Variants in SLX4 observed in about 807,000 individuals in gnomAD.
SLX4 encodes the protein structure-specific endonuclease subunit SLX4.
Under a neutral mutation model 146.2 loss-of-function variants are expected in SLX4, and 112 were observed. The observed-to-expected ratio is 0.77, with a 90% CI of 0.66 to 0.90. The LOEUF (loss-of-function observed/expected upper bound fraction) is 0.90, where lower values mean the gene tolerates loss of function less well. Ranked by LOEUF, SLX4 falls within the 40% of genes least tolerant of loss-of-function variation. The pLI is 0.00. For missense variants in SLX4, 2,563 were observed against 2,392.7 expected (o/e 1.07, Z -1.49); for synonymous variants, 1,061 against 997.7 (o/e 1.06, Z -1.20).
chr16:3,608,171 CTTAAAAA>C (rs2040807704), intron 2 of SLX4, among the ~76,000 whole-genome samples: 1 of 152,076 alleles, frequency 6.6e-6, no homozygotes, highest in Non-Finnish European at 1.5e-5. Context: ...TTTTTTTAAG[CTTAAAAA>C]TTAAAAAATA....
At position 3,590,538 on chromosome 16, in the gene SLX4, G is replaced by C; in HGVS notation, c.3100C>G (p.Arg1034Gly). The change falls in exon 12 of 15, where the codon CGC becomes GGC. Residue 1034 changes from arginine (R) to glycine (G), a missense_variant. By Grantham distance (125) the Arg-to-Gly change is moderately radical. Transcript: ENST00000294008. The surrounding 1 kb of genome is among the most constrained non-coding windows in gnomAD (Gnocchi z 4.8). ...PWQASPPHPC[R>G]FLLGPPQGGS... ...CCCTGGGGAGGCCCCAATAGGAAGC[G>C]GCACGGGTGCGGTGGAGATGCCTGC... The C allele has an allele frequency of 6.2e-7, 1 of 1,612,952 alleles. No individual in the cohort carries two copies. Among genetic ancestry groups the C allele is most frequent in the Non-Finnish European group, 8.5e-7 (1 of 1,178,988 alleles).
Position 3,587,956 on chromosome 16 carries a change from GA to G in SLX4, c.4636+1045del, listed in dbSNP as rs1224805626. Among the ~76,000 whole-genome samples the G allele has an allele frequency of 7.9e-5, 12 of 152,172 alleles. No homozygotes were observed. The East Asian group carries it at 2.1e-3, about 27-fold the overall frequency. On this transcript the variant is annotated intron_variant, in intron 12 of 14. Coordinates refer to ENST00000294008, the MANE Select transcript of SLX4 (RefSeq NM_032444.4). ...TGGGAGCAGCAGCACCGAGGGGGCC[GA>G]CACCTGGGGCTCTGACTCTCCCCGG...
In SLX4 at chr16:3,606,570, C is replaced by T. The variant is rs766080551; in HGVS notation, c.664G>A (p.Glu222Lys). 8.7e-6 allele frequency: 14 copies of T among 1,614,188 alleles called. No homozygotes were observed. The highest frequency in any genetic ancestry group is 6.7e-5 in the Admixed American group (4 of 60,024). The part of the protein sequence containing the change: ...RMQQFKRADP[E>K]RLRHASEECS... ...TCTTCTGAAGCGTGTCTCAAACGCTCGGGGTCTGCTCTCTTGAACTGCTGC... is the reference window on the plus strand; with the variant it reads ...TCTTCTGAAGCGTGTCTCAAACGCTTGGGGTCTGCTCTCTTGAACTGCTGC... Residue 222 changes from glutamate to lysine, a missense_variant, in exon 3 of 15, where the codon GAG (glutamate) becomes AAG (lysine). Physicochemically the swap from Glu to Lys is moderately conservative, Grantham distance 56 (BLOSUM62 1). Transcript: ENST00000294008.
chr16:3,583,353 T>C lies in SLX4; in HGVS notation c.4897A>G (p.Thr1633Ala), dbSNP rs771698300. Residue 1633 changes from threonine (T) to alanine (A), a missense_variant, in exon 14 of 15, where the codon ACC (threonine) becomes GCC (alanine). Physicochemically the swap from Thr to Ala is moderately conservative, Grantham distance 58. Coordinates refer to ENST00000294008, the MANE Select transcript of SLX4 (RefSeq NM_032444.4). ...ACCCCTGCCCTTGAAGGCTTGTAGG[T>C]CTGGGAGGCGAGGGTCTGGCAGTGA... ...APHCQTLASQ[T>A]YKPSRAGVHA... is the part of the protein sequence containing the mutation. 1.9e-6 allele frequency: 3 copies of C among 1,613,372 alleles called. No individual in the cohort carries two copies. In the Admixed American group the frequency reaches 5.0e-5, roughly 27 times the overall value.
At chr16:3,611,191 C>T (rs1308246748) in intron 1 of SLX4, among the ~76,000 whole-genome samples, 1 of 152,244 alleles carries the variant, frequency 6.6e-6, no homozygotes, top group South Asian at 2.1e-4. Context: ...GCGGACCCTC[C>T]CGCTTCCCCC....
rs377148341 is a variant in SLX4, at chr16:3,597,435, C to T, written c.1627G>A (p.Glu543Lys). 5 of 1,609,224 alleles carry T rather than the reference C, an allele frequency of 3.1e-6. No homozygotes were observed. The highest frequency in any genetic ancestry group is 4.2e-6 in the Non-Finnish European group (5 of 1,178,142). Reference sequence around the variant, plus strand: ...ACCAGCCTGGCCGTGTAGAAGTCCTCCATGGCCCAGGCCCCAGTCAGTGCG... The same window carrying T: ...ACCAGCCTGGCCGTGTAGAAGTCCTTCATGGCCCAGGCCCCAGTCAGTGCG... Reference protein sequence around the residue: ...GSALTGAWAMEDFYTARLVPP... With the variant: ...GSALTGAWAMKDFYTARLVPP... Residue 543 changes from glutamate (E) to lysine (K), a missense_variant, in exon 7 of 15, where the codon GAG (glutamate) becomes AAG (lysine). By Grantham distance (56) the Glu-to-Lys change is moderately conservative. Transcript: ENST00000294008. This position sits in a 1 kb window ranked among gnomAD's most constrained non-coding sequence, Gnocchi z 4.4.
At chr16:3,604,048 G>A (rs1172854118) in intron 3 of SLX4, among the ~76,000 whole-genome samples, 1 of 151,958 alleles carries the variant, frequency 6.6e-6, no homozygotes, top group Non-Finnish European at 1.5e-5. Flanking sequence ...TGGGCAACAT[G>A]GTGAAACCCC....
At chr16:3,607,316 TGCGA>T (rs2040797940) in intron 2 of SLX4, among the ~76,000 whole-genome samples, 1 of 152,160 alleles carries the variant, frequency 6.6e-6, no homozygotes, top group African/African-American at 2.4e-5. Flanking sequence ...CAGTAGTCTA[TGCGA>T]CCTGAGACTC....
rs368377000 is a variant in SLX4, at chr16:3,602,275, C to T, written c.793G>A (p.Asp265Asn). 5.0e-6 allele frequency: 8 copies of T among 1,614,012 alleles called. No individual in the cohort carries two copies. Among genetic ancestry groups the T allele is most frequent in the East Asian group, 2.2e-5 (1 of 44,894 alleles). ...YGLGPPAPES[D>N]AAVALTLQQE... is the part of the protein sequence containing the mutation. ...TGCAGGGTCAAGGCCACCGCAGCGT[C>T]GCTCTCTGGGGCAGGGGGCCCAAGC... Residue 265 changes from aspartate (D) to asparagine (N), a missense_variant, in exon 4 of 15, where the codon GAC becomes AAC. By Grantham distance (23) the Asp-to-Asn change is conservative. Coordinates refer to ENST00000294008, the MANE Select transcript of SLX4 (RefSeq NM_032444.4).
intron 5 of SLX4, 70 bp from the exon 6 acceptor site, chr16:3,598,069 G>A (rs897134392): frequency 1.3e-6 from 2 of 1,573,712 alleles, no homozygotes; most frequent in Non-Finnish European, 1.7e-6. Context: ...GGTCACACTG[G>A]TCTGGAGAGG....
chr16:3,604,075 C>T (rs1237501548), intron 3 of SLX4, among the ~76,000 whole-genome samples: 1 of 151,588 alleles, frequency 6.6e-6, no homozygotes, highest in African/African-American at 2.4e-5. Flanking sequence ...AGTAAAAATA[C>T]AAAAAAATTA....
chr16:3,598,134 C>T (rs986610262), intron 5 of SLX4, 135 bp from the exon 6 acceptor site: 1 of 947,620 alleles, frequency 1.1e-6, no homozygotes, highest in Admixed American at 2.0e-5. Flanking sequence ...ATGCGTCCCC[C>T]ACTTCCACTG....
At position 3,589,593 on chromosome 16, in the gene SLX4, C is replaced by T. The variant is rs1555450055; in HGVS notation, c.4045G>A (p.Gly1349Arg). 9.9e-6 allele frequency: 16 copies of T among 1,613,436 alleles called. No homozygotes were observed. The highest frequency in any genetic ancestry group is 2.2e-5 in the East Asian group (1 of 44,894). ...AGCGGAGAGGAGTGCGGGTGGCCCC[C>T]GGGGTGGGGACGGGAAGGGCTTCTG... ...GHRSPSRPHP[G>R]GHPHSSPLAP... is the part of the protein sequence containing the mutation. Residue 1349 changes from glycine (G) to arginine (R), a missense_variant, in exon 12 of 15, where the codon GGG becomes AGG. Physicochemically the swap from Gly to Arg is moderately radical, Grantham distance 125. Transcript: ENST00000294008. This position sits in a 1 kb window ranked among gnomAD's most constrained non-coding sequence, Gnocchi z 6.2.
In SLX4 at chr16:3,590,686, T is replaced by C. The variant is rs532836204; in HGVS notation, c.2952A>G (p.Glu984=). 6.2e-7 allele frequency: 1 copy of C among 1,614,174 alleles called. No individual in the cohort carries two copies. The highest frequency in any genetic ancestry group is 1.1e-5 in the South Asian group (1 of 91,088). Residue 984 remains glutamate (E), a synonymous_variant, in exon 12 of 15, where the codon GAA becomes GAG. Coordinates refer to ENST00000294008, the MANE Select transcript of SLX4 (RefSeq NM_032444.4). This position sits in a 1 kb window ranked among gnomAD's most constrained non-coding sequence, Gnocchi z 4.8. ...LPHSDDAGDY[E]QLFSSTQGEI... Reference sequence around the variant, plus strand: ...CTCCCTGAGTTGATGAGAAGAGCTGTTCGTAATCCCCGGCATCATCTGAGT... The same window carrying C: ...CTCCCTGAGTTGATGAGAAGAGCTGCTCGTAATCCCCGGCATCATCTGAGT...
At position 3,590,626 on chromosome 16, in the gene SLX4, G is replaced by A. The variant is rs533668167; in HGVS notation, c.3012C>T (p.Pro1004=). 49 of 1,614,130 alleles carry A rather than the reference G, an allele frequency of 3.0e-5. 1 individual carries two copies. Among genetic ancestry groups the A allele is most frequent in the South Asian group, 9.9e-5 (9 of 91,082 alleles). ...CCCTGACAGCGCCACTTTGTTCCTCGGGCTCACTTGTTATTTGGGACGGCT... is the reference window on the plus strand; with the variant it reads ...CCCTGACAGCGCCACTTTGTTCCTCAGGCTCACTTGTTATTTGGGACGGCT... ...ISEPSQITSE[P]EEQSGAVRER... The change falls in exon 12 of 15, where the codon CCC becomes CCT. Residue 1004 remains proline, a synonymous_variant. Coordinates refer to ENST00000294008, the MANE Select transcript of SLX4 (RefSeq NM_032444.4). This position sits in a 1 kb window ranked among gnomAD's most constrained non-coding sequence, Gnocchi z 4.8.
chr16:3,602,184 A>G lies in SLX4; in HGVS notation c.884T>C (p.Phe295Ser). ...DDSLEEKGLFFCQICQKNLSA... is the reference protein window; with the variant it reads ...DDSLEEKGLFSCQICQKNLSA... The stretch of plus-strand genomic sequence containing the variant: ...GAGGTTCTTTTGACAAATCTGGCAG[A>G]AGAACAAACCCTTTTCCTCCAGGCT... Residue 295 changes from phenylalanine (F) to serine (S), a missense_variant, in exon 4 of 15, where the codon TTC (phenylalanine) becomes TCC (serine). Phe to Ser is a radical substitution (Grantham distance 155). Coordinates refer to ENST00000294008, the MANE Select transcript of SLX4 (RefSeq NM_032444.4). 12 of 1,614,186 alleles carry G rather than the reference A, an allele frequency of 7.4e-6. No individual in the cohort carries two copies. Among genetic ancestry groups the G allele is most frequent in the Non-Finnish European group, 1.0e-5 (12 of 1,180,036 alleles).
chr16:3,605,673 C>T (rs1313325198), intron 3 of SLX4, among the ~76,000 whole-genome samples: 1 of 151,936 alleles, frequency 6.6e-6, no homozygotes, highest in African/African-American at 2.4e-5. Context: ...GGAGGCCAGG[C>T]ACAGTGGCTC....
intron 9 of SLX4, 120 bp from the exon 10 acceptor site, chr16:3,594,719 T>C: frequency 1.5e-6 from 2 of 1,327,804 alleles, no homozygotes; most frequent in Non-Finnish European, 2.1e-6. Flanking sequence ...ACCTGCATTC[T>C]CCTTTCCTCT....
rs148639847 is a variant in SLX4 at position 3,604,123 on chromosome 16, T to C, written c.761-1816A>G. Among the ~76,000 whole-genome samples the C allele has an allele frequency of 4.3e-3, 643 of 150,690 alleles. 3 individuals are homozygous for C. Among genetic ancestry groups the C allele is most frequent in the African/African-American group, 0.015 (596 of 40,908 alleles). Reference sequence around the variant, plus strand: ...GGTGGGTGCTTGTAATCCCAGCTACTCAGGAGGCCGAGGCACGAGAATAGC... The same window carrying C: ...GGTGGGTGCTTGTAATCCCAGCTACCCAGGAGGCCGAGGCACGAGAATAGC... On this transcript the variant is annotated intron_variant, in intron 3 of 14. Coordinates refer to ENST00000294008, the MANE Select transcript of SLX4 (RefSeq NM_032444.4).
Sources: gnomAD v4.1 joint callset for allele counts (sites outside exome capture counted in the v4.1 genomes callset) on GRCh38, gnomAD v4.1.1 for gene constraint, Gnocchi (gnomAD v3.1) non-coding constraint, MANE v1.5 for transcripts, NCBI Gene and HGNC (gene_info 2026-07-23, HGNC 2026-07-21) for gene names.